Variants in UGT1A4 observed in about 807,000 individuals in gnomAD.
UGT1A4 encodes the protein UDP glucuronosyltransferase family 1 member A4.
Under a neutral mutation model 41.1 loss-of-function variants are expected in UGT1A4, and 32 were observed. The observed-to-expected ratio is 0.78, with a 90% CI of 0.59 to 1.05. The LOEUF is 1.05. UGT1A4 is among the 50% of genes least tolerant of loss of function. The pLI is 0.00. For missense variants in UGT1A4, 748 were observed against 677.4 expected, an observed-to-expected ratio of 1.10 and a Z score of -1.16; for synonymous variants, 283 against 265.1, an observed-to-expected ratio of 1.07 and a Z score of -0.66.
At chr2:233,746,983 G>T (rs1426069164) in intron 1 of UGT1A4, among the ~76,000 whole-genome samples, 1 of 151,820 alleles carries the variant, frequency 6.6e-6, no homozygotes, top group Non-Finnish European at 1.5e-5. Context: ...AGCGAGCGCA[G>T]GGTCAGATGA....
chr2:233,755,356 C>A (rs1290050168), intron 1 of UGT1A4: 4 of 377,426 alleles, frequency 1.1e-5, no homozygotes, highest in Admixed American at 3.8e-5. Flanking sequence ...GCTTGGCGAC[C>A]TGGGCCGCCT....
Position 233,747,767 on chromosome 2 carries a change from A to G in UGT1A4, c.868-19267A>G, listed in dbSNP as rs1240243146. 273 of 1,613,386 alleles carry G rather than the reference A, an allele frequency of 1.7e-4. 1 individual carries two copies. The South Asian group carries it at 2.9e-3, about 17-fold the overall frequency. On this transcript the variant is annotated intron_variant, in intron 1 of 4. Coordinates refer to ENST00000373409, the MANE Select transcript of UGT1A4 (RefSeq NM_007120.3). ...CATGTGATTTAGACTTTAAGGGCAC[A>G]CAGTGTCCAAATCCTTCCTCCTATA... is the stretch of plus-strand genomic sequence containing the variant.
intron 1 of UGT1A4, among the ~76,000 whole-genome samples, chr2:233,742,519 G>A (rs1399638498): frequency 6.6e-6 from 1 of 151,888 alleles, no homozygotes; most frequent in Admixed American, 6.5e-5. Flanking sequence ...ACACGTCACA[G>A]TGCTGCAGAG....
intron 1 of UGT1A4, among the ~76,000 whole-genome samples, chr2:233,735,156 T>G (rs2078613836): frequency 6.6e-6 from 1 of 152,214 alleles, no homozygotes; most frequent in Non-Finnish European, 1.5e-5. Context: ...TCTAAGTCTC[T>G]GTGTAGGTCT....
chr2:233,720,021 T>A (rs1332952782), intron 1 of UGT1A4, among the ~76,000 whole-genome samples: 2 of 151,934 alleles, frequency 1.3e-5, no homozygotes, highest in African/African-American at 4.8e-5. Context: ...CATCCTGGGG[T>A]TTTTGCTTGC....
In UGT1A4 at chr2:233,769,617, A is replaced by AG; in HGVS notation, c.1307+1179dup. 6.2e-7 allele frequency: 1 copy of AG among 1,612,702 alleles called. No individual in the cohort carries two copies. The highest frequency in any genetic ancestry group is 2.2e-5 in the East Asian group (1 of 44,882). On this transcript the variant is annotated intron_variant, in intron 4 of 4. Coordinates refer to ENST00000373409, the MANE Select transcript of UGT1A4 (RefSeq NM_007120.3). The surrounding 1 kb of genome is among the most constrained non-coding windows in gnomAD (Gnocchi z 4.4). ...CGGAACACGGGGACACACCAGCTTG[A>AG]GCAAGGGACAACAGGGGAGGACTGA...
intron 1 of UGT1A4, among the ~76,000 whole-genome samples, chr2:233,739,434 A>G (rs369218024): frequency 2.4e-4 from 37 of 152,256 alleles, no homozygotes; most frequent in African/African-American, 8.2e-4. Context: ...CGAGGGCTTT[A>G]CCCTGCAAAG....
chr2:233,767,877 CA>C lies in UGT1A4; in HGVS notation c.1029del (p.Ser344ArgfsTer23). On this transcript the variant is annotated frameshift_variant, in exon 3 of 5. Coordinates refer to ENST00000373409, the MANE Select transcript of UGT1A4 (RefSeq NM_007120.3). LOFTEE classifies it high-confidence loss of function. ...TVLWRYTGTR[P>X]SNLANNTILV... Reference sequence around the variant, plus strand: ...CTGTGGCGGTACACTGGAACCCGACCATCGAATCTTGCGAACAACACGATAC... The same window carrying C: ...CTGTGGCGGTACACTGGAACCCGACCTCGAATCTTGCGAACAACACGATAC... 6.2e-7 allele frequency: 1 copy of C among 1,614,140 alleles called. No homozygotes were observed. The highest frequency in any genetic ancestry group is 8.5e-7 in the Non-Finnish European group (1 of 1,180,040).
At chr2:233,739,444 G>A (rs1292544084) in intron 1 of UGT1A4, among the ~76,000 whole-genome samples, 1 of 152,214 alleles carries the variant, frequency 6.6e-6, no homozygotes, top group African/African-American at 2.4e-5. Context: ...ACCCTGCAAA[G>A]CCACAGGGTT....
chr2:233,767,797 T>G lies in UGT1A4; in HGVS notation c.1000-52T>G, dbSNP rs1012424785. The stretch of plus-strand genomic sequence containing the variant: ...TCTAGTTAGTATAGCAGATTTGTTT[T>G]CTAATCATATTATGTTCTTTCTTTA... On this transcript the variant is annotated intron_variant, in intron 2 of 4. Coordinates refer to ENST00000373409, the MANE Select transcript of UGT1A4 (RefSeq NM_007120.3). 5 of 1,614,032 alleles carry G rather than the reference T, an allele frequency of 3.1e-6. No individual in the cohort carries two copies. In the African/African-American group the frequency reaches 4.0e-5, roughly 13 times the overall value.
At chr2:233,724,116 G>A (rs1387797895) in intron 1 of UGT1A4, among the ~76,000 whole-genome samples, 1 of 116,526 alleles carries the variant, frequency 8.6e-6, no homozygotes, top group Non-Finnish European at 1.7e-5. Flanking sequence ...GCCGGGCAGA[G>A]GCGCCCCTCA....
rs796155377 is a variant in UGT1A4 at position 233,747,484 on chromosome 2, G to A, written c.868-19550G>A. ...TCATGGACCCAGGATGAATTTGATC[G>A]CCTTGTGCTGGGCCACACTCAACTG... On this transcript the variant is annotated intron_variant, in intron 1 of 4. Transcript: ENST00000373409. The A allele has an allele frequency of 6.3e-5, 101 of 1,608,658 alleles. 5 individuals are homozygous for A. The African/African-American group carries it at 1.1e-3, about 17-fold the overall frequency.
intron 1 of UGT1A4, among the ~76,000 whole-genome samples, chr2:233,745,867 G>A (rs553219755): frequency 6.6e-6 from 1 of 151,648 alleles, no homozygotes; most frequent in African/African-American, 2.4e-5. Flanking sequence ...TGCTGACCAA[G>A]GTTCCAGAAG....
intron 1 of UGT1A4, among the ~76,000 whole-genome samples, chr2:233,748,618 A>C (rs1693989707): frequency 1.3e-5 from 2 of 151,764 alleles, no homozygotes; most frequent in Non-Finnish European, 2.9e-5. Flanking sequence ...CGAACGTGGG[A>C]TATATGTCTG....
intron 1 of UGT1A4, chr2:233,747,962 C>T (rs780665543): frequency 3.7e-6 from 6 of 1,613,470 alleles, no homozygotes; most frequent in Non-Finnish European, 4.2e-6. Context: ...ATCTTCTCAG[C>T]CATGCATCTG....
intron 1 of UGT1A4, chr2:233,761,188 C>A: frequency 6.2e-7 from 1 of 1,614,130 alleles, no homozygotes; most frequent in Non-Finnish European, 8.5e-7. Context: ...TGCGTATATT[C>A]TTTCAGATGT....
intron 1 of UGT1A4, among the ~76,000 whole-genome samples, chr2:233,723,070 TATC>T (rs1029287051): frequency 2.8e-5 from 4 of 141,500 alleles, no homozygotes; most frequent in Admixed American, 7.2e-5. Context: ...TATGGAAATA[TATC>T]ATCATTTTTG....
intron 1 of UGT1A4, among the ~76,000 whole-genome samples, chr2:233,736,326 T>A (rs2078751393): frequency 6.6e-6 from 1 of 152,232 alleles, no homozygotes; most frequent in South Asian, 2.1e-4. Flanking sequence ...TGTGCATGTG[T>A]TATGAAGTTC....
rs1267611137 is a variant in UGT1A4 at position 233,724,759 on chromosome 2, C to T, written c.867+5072C>T. 1.5e-4 allele frequency among the ~76,000 whole-genome samples: 22 copies of T among 143,568 alleles called. 2 individuals are homozygous for T. Among genetic ancestry groups the T allele is most frequent in the East Asian group, 4.4e-4 (2 of 4,564 alleles). 94.2% of individuals were successfully genotyped at this position (143,568 alleles called of 152,430 possible). A position where few individuals can be genotyped will look rare whatever the true frequency, so the allele number is the denominator to read the frequency against. On this transcript the variant is annotated intron_variant, in intron 1 of 4. Transcript: ENST00000373409. ...GGCTCCTCACATCCCAGACGATGGG[C>T]GGCCAGGCAGAGACACTCCTCACTT... is the stretch of plus-strand genomic sequence containing the variant.
Sources: allele counts gnomAD v4.1 joint callset (sites outside exome capture counted in the v4.1 genomes callset), GRCh38; gene constraint gnomAD v4.1.1; non-coding constraint Gnocchi (gnomAD v3.1); transcripts MANE v1.5; gene names NCBI Gene and HGNC (gene_info 2026-07-23, HGNC 2026-07-21).